The following AK9 variants were observed in gnomAD, a reference collection of about 807,000 sequenced individuals.
AK9 encodes adenylate kinase domain containing 1.
AK9 carries 191 observed loss-of-function variants against 239.6 expected under a neutral mutation model. That is an observed-to-expected ratio of 0.80 (90% CI 0.71 to 0.90). The LOEUF is 0.90. Ranked by LOEUF, AK9 falls within the 40% of genes least tolerant of loss-of-function variation. The pLI is 0.00. For missense variants in AK9, 1,995 were observed against 2,214.7 expected (o/e 0.90, Z 1.99); for synonymous variants, 689 against 721.0 (o/e 0.96, Z 0.71).
intron 35 of AK9, among the ~76,000 whole-genome samples, chr6:109,504,038 C>A (rs767146110): frequency 6.6e-5 from 10 of 152,146 alleles, no homozygotes; most frequent in African/African-American, 9.7e-5. Context: ...AGGTGTATCT[C>A]CTGATTAGAG....
At chr6:109,684,613 G>A (rs1164518370) in intron 1 of AK9, among the ~76,000 whole-genome samples, 3 of 151,556 alleles carry the variant, frequency 2.0e-5, no homozygotes, top group East Asian at 1.9e-4. Flanking sequence ...GGTGGCTCAC[G>A]CCTGTAATCC....
chr6:109,658,785 C>T (rs1481421579), intron 7 of AK9, among the ~76,000 whole-genome samples: 1 of 151,860 alleles, frequency 6.6e-6, no homozygotes, highest in East Asian at 1.9e-4. Context: ...CTTTCACTTG[C>T]TTCTTTTTGC....
intron 35 of AK9, 52 bp downstream of exon 35, chr6:109,506,275 T>A: frequency 1.3e-6 from 2 of 1,536,562 alleles, no homozygotes; most frequent in Non-Finnish European, 1.8e-6. Context: ...GAGTCAGGCA[T>A]GTTTACACTT....
intron 1 of AK9, among the ~76,000 whole-genome samples, chr6:109,681,365 G>A (rs904963584): frequency 2.0e-5 from 3 of 152,150 alleles, no homozygotes; most frequent in Non-Finnish European, 4.4e-5. Flanking sequence ...TTACACAGTG[G>A]TAAAGGGATC....
At chr6:109,542,002 C>G in intron 27 of AK9, 45 bp downstream of exon 27, 1 of 1,431,490 alleles carries the variant, frequency 7.0e-7, no homozygotes, top group Non-Finnish European at 9.4e-7. Context: ...AAGAATAAAA[C>G]AAATAAAAGC....
intron 17 of AK9, among the ~76,000 whole-genome samples, chr6:109,602,842 C>T (rs954562058): frequency 6.6e-6 from 1 of 152,000 alleles, no homozygotes. Flanking sequence ...TCACTGATAC[C>T]CTTTCTTCCA....
intron 1 of AK9, among the ~76,000 whole-genome samples, chr6:109,686,930 A>C (rs1253576068): frequency 1.3e-5 from 2 of 152,228 alleles, no homozygotes; most frequent in Admixed American, 6.5e-5. Flanking sequence ...CAGGGCACAA[A>C]TAAATTTCAA....
At chr6:109,645,412 C>A (rs769462917) in intron 8 of AK9, among the ~76,000 whole-genome samples, 1 of 152,208 alleles carries the variant, frequency 6.6e-6, no homozygotes, top group African/African-American at 2.4e-5. Context: ...TTATATGCTG[C>A]GCCTGGCTCA....
chr6:109,612,168 A>G, intron 15 of AK9, 75 bp from the exon 16 acceptor site: 6 of 985,144 alleles, frequency 6.1e-6, no homozygotes, highest in Non-Finnish European at 8.9e-6. Flanking sequence ...GAAGATTGTA[A>G]TATAAGCCTA....
Position 109,542,123 on chromosome 6 carries a change from G to T in AK9, c.3274C>A (p.Leu1092Ile), listed in dbSNP as rs1782975858. Residue 1092 changes from leucine to isoleucine, a missense_variant, in exon 27 of 41, where the codon CTA (leucine) becomes ATA (isoleucine). This residue lies in a region of AK9 where 1,290 missense variants were observed against 1,392.7 expected (regional missense o/e 0.93). Transcript: ENST00000424296. ...TEEEEVIKSS[L>I]MENEPLPPEI... Reference sequence around the variant, plus strand: ...GGAGGCAAGGGCTCATTTTCCATTAGACTTGATTTGATTACTTCTTCTTCT... The same window carrying T: ...GGAGGCAAGGGCTCATTTTCCATTATACTTGATTTGATTACTTCTTCTTCT... The T allele has an allele frequency of 6.2e-7, 1 of 1,607,140 alleles. No homozygotes were observed. Among genetic ancestry groups the T allele is most frequent in the African/African-American group, 1.3e-5 (1 of 74,634 alleles).
intron 1 of AK9, among the ~76,000 whole-genome samples, chr6:109,681,744 C>T (rs1001205719): frequency 1.3e-5 from 2 of 152,124 alleles, no homozygotes; most frequent in Non-Finnish European, 2.9e-5. Flanking sequence ...ATAACAGTCT[C>T]TCAGACCACA....
chr6:109,640,836 A>G (rs1026486405), intron 10 of AK9, among the ~76,000 whole-genome samples: 3 of 152,178 alleles, frequency 2.0e-5, no homozygotes, highest in African/African-American at 4.8e-5. Flanking sequence ...TACCCATCAC[A>G]TATGTAGCAC....
At chr6:109,689,847 C>A (rs1286539822) in intron 1 of AK9, among the ~76,000 whole-genome samples, 2 of 152,084 alleles carry the variant, frequency 1.3e-5, no homozygotes, top group African/African-American at 4.8e-5. Flanking sequence ...AAACACTGTG[C>A]AAACATTTAA....
At chr6:109,565,591 C>T (rs1786371167) in intron 21 of AK9, among the ~76,000 whole-genome samples, 1 of 152,142 alleles carries the variant, frequency 6.6e-6, no homozygotes, top group Admixed American at 6.6e-5. Context: ...ATTTAAGAGA[C>T]TCTCAACTAA....
chr6:109,520,210 T>C (rs562830928), intron 29 of AK9, among the ~76,000 whole-genome samples: 1 of 152,306 alleles, frequency 6.6e-6, no homozygotes, highest in African/African-American at 2.4e-5. Context: ...TCCAGAATGG[T>C]GTTTCCCAGG....
intron 12 of AK9, among the ~76,000 whole-genome samples, chr6:109,631,539 G>A (rs1479004799): frequency 1.3e-5 from 2 of 152,254 alleles, no homozygotes; most frequent in Non-Finnish European, 1.5e-5. Context: ...AGTAAGAGTT[G>A]ACAGGAATGT....
Position 109,610,466 on chromosome 6 carries a change from C to T in AK9, c.1741G>A (p.Val581Ile), listed in dbSNP as rs765503791. 3.2e-5 allele frequency: 49 copies of T among 1,551,234 alleles called. No individual in the cohort carries two copies. The highest frequency in any genetic ancestry group is 4.1e-5 in the Non-Finnish European group (47 of 1,146,840). Residue 581 changes from valine to isoleucine, a missense_variant, in exon 17 of 41, where the codon GTT becomes ATT. Val to Ile is a conservative substitution (Grantham distance 29). Coordinates refer to ENST00000424296, the MANE Select transcript of AK9 (RefSeq NM_001145128.3). ...IEEVTADHPE[V>I]VTMIEETIKM... ...ATAGTCTCTTCAATCATGGTCACAA[C>T]CTCTGGATGATCTGCAGTTACCTCT...
chr6:109,546,151 A>AGGGGG, intron 25 of AK9, 24 bp from the exon 26 acceptor site: 2 of 638,348 alleles, frequency 3.1e-6, no homozygotes, highest in Non-Finnish European at 5.2e-6. Flanking sequence ...TGGGTCAGGG[A>AGGGGG]GGGGTGGGAT....
At chr6:109,656,992 A>T in intron 7 of AK9, 108 bp from the exon 8 acceptor site, 1 of 1,286,658 alleles carries the variant, frequency 7.8e-7, no homozygotes, top group Non-Finnish European at 1.1e-6. Flanking sequence ...GGTGAGAAGC[A>T]GGGGGAGGGG....
Sources: allele counts gnomAD v4.1 joint callset (sites outside exome capture counted in the v4.1 genomes callset), GRCh38; gene constraint gnomAD v4.1.1; regional missense constraint gnomAD v4.1.1; transcripts MANE v1.5; gene names NCBI Gene and HGNC (gene_info 2026-07-23, HGNC 2026-07-21).